TACC3: variants seen among roughly 807,000 people sequenced by gnomAD.
The protein encoded by TACC3 is transforming acidic coiled-coil-containing protein 3.
Under a neutral mutation model 86.0 loss-of-function variants are expected in TACC3, and 52 were observed. That is an observed-to-expected ratio of 0.60 (90% CI 0.48 to 0.76). The LOEUF is 0.76. Among genes scored for constraint, TACC3 ranks in the 30% least tolerant of loss-of-function variants. The probability of loss-of-function intolerance (pLI) is 0.00; values close to 1 mark genes in which losing one functional copy is unlikely to be tolerated. For missense variants in TACC3, 1,120 were observed against 1,070.4 expected (o/e 1.05, Z -0.65); for synonymous variants, 512 against 430.0 (o/e 1.19, Z -2.36).
intron 9 of TACC3, 54 bp from the exon 10 acceptor site, chr4:1,737,537 CTAGGTCA>C: frequency 7.4e-7 from 1 of 1,342,474 alleles, no homozygotes; most frequent in Non-Finnish European, 1.0e-6. Context: ...CTCCCTCACA[CTAGGTCA>C]GAGGTAAGAG....
At chr4:1,727,431 C>T (rs971849418) in intron 3 of TACC3, among the ~76,000 whole-genome samples, 4 of 152,120 alleles carry the variant, frequency 2.6e-5, no homozygotes, top group Admixed American at 6.5e-5. Flanking sequence ...CCCAGAGGCA[C>T]CCCTGTAACT....
At chr4:1,733,040 C>A (rs180966640) in intron 6 of TACC3, among the ~76,000 whole-genome samples, 1 of 152,238 alleles carries the variant, frequency 6.6e-6, no homozygotes, top group East Asian at 1.9e-4. Context: ...GTTTCACATT[C>A]CCACTGGCAG....
At position 1,728,332 on chromosome 4, in the gene TACC3, T is replaced by C; in HGVS notation, c.930T>C (p.Ala310=). ...ESTAPTNHLV[A]GRAMTLSPQE... ...CAGCCCCAACCAACCACCTGGTGGC[T>C]GGCAGGGCCATGACCCTGAGTCCTC... The change falls in exon 4 of 16, where the codon GCT becomes GCC. Residue 310 remains alanine, a synonymous_variant. Coordinates refer to ENST00000313288, the MANE Select transcript of TACC3 (RefSeq NM_006342.3). The C allele has an allele frequency of 1.9e-6, 3 of 1,613,048 alleles. No individual in the cohort carries two copies. Among genetic ancestry groups the C allele is most frequent in the Non-Finnish European group, 2.5e-6 (3 of 1,180,026 alleles).
intron 4 of TACC3, among the ~76,000 whole-genome samples, chr4:1,729,961 C>T (rs1055687463): frequency 3.3e-5 from 5 of 152,242 alleles, no homozygotes; most frequent in Admixed American, 2.0e-4. Flanking sequence ...AGGGCTCACA[C>T]ACCTCTTCCG....
At chr4:1,737,876 C>G in intron 10 of TACC3, 174 bp downstream of exon 10, 1 of 717,782 alleles carries the variant, frequency 1.4e-6, no homozygotes, top group Non-Finnish European at 2.5e-6. Flanking sequence ...CTGCCCAGGT[C>G]GCTGAGGGTC....
rs771126795 is a variant in TACC3 at position 1,727,733 on chromosome 4, G to A, written c.331G>A (p.Ala111Thr). 4.4e-6 allele frequency: 7 copies of A among 1,592,820 alleles called. No homozygotes were observed. The highest frequency in any genetic ancestry group is 1.7e-6 in the Non-Finnish European group (2 of 1,168,410). The change falls in exon 4 of 16, where the codon GCC becomes ACC. Residue 111 changes from alanine to threonine, a missense_variant. Coordinates refer to ENST00000313288, the MANE Select transcript of TACC3 (RefSeq NM_006342.3). ...ENQQLIKEVD[A>T]KTTHGILQKP... The stretch of plus-strand genomic sequence containing the variant: ...CCAACAGCTCATCAAGGAAGTGGAT[G>A]CCAAAACTACTCATGGAATTCTACA...
Position 1,735,199 on chromosome 4 carries a change from G to A in TACC3, c.1592-74G>A. 2 of 1,585,454 alleles carry A rather than the reference G, an allele frequency of 1.3e-6. No individual in the cohort carries two copies. Among genetic ancestry groups the A allele is most frequent in the Middle Eastern group, 1.7e-4 (1 of 5,982 alleles). On this transcript the variant is annotated intron_variant, in intron 6 of 15. Transcript: ENST00000313288. This position sits in a 1 kb window ranked among gnomAD's most constrained non-coding sequence, Gnocchi z 4.2. ...GAATGATCCTGCCTCACTGAGTGCTGAGGGAGACACCAGCCCGCCGCCCTT... is the reference window on the plus strand; with the variant it reads ...GAATGATCCTGCCTCACTGAGTGCTAAGGGAGACACCAGCCCGCCGCCCTT...
intron 13 of TACC3, chr4:1,741,809 A>G (rs553950582): frequency 6.6e-6 from 1 of 152,384 alleles, no homozygotes; most frequent in African/African-American, 2.4e-5. Context: ...GCTGCCTAAC[A>G]GAAGCAAGCC....
intron 1 of TACC3, 66 bp downstream of exon 1, chr4:1,721,709 C>T (rs1373123553): frequency 6.6e-6 from 1 of 151,642 alleles, no homozygotes; most frequent in Non-Finnish European, 1.5e-5. Flanking sequence ...TCCCGCCCCG[C>T]CCCGCCCTCG....
rs762464304 is a variant in TACC3 at position 1,744,562 on chromosome 4, G to T, written c.2268G>T (p.Arg756Ser). Residue 756 changes from arginine (R) to serine (S), a missense_variant, in exon 14 of 16, where the codon AGG (arginine) becomes AGT (serine). By Grantham distance (110) the Arg-to-Ser change is moderately radical. Transcript: ENST00000313288. ...AGTGCGTGGAGGATTACCTGGCAAG[G>T]ATCACCCAGGAGGGCCAGAGGTACC... Reference protein sequence around the residue: ...LKKCVEDYLARITQEGQRYQA... With the variant: ...LKKCVEDYLASITQEGQRYQA... 1.2e-6 allele frequency: 2 copies of T among 1,613,264 alleles called. No homozygotes were observed. The highest frequency in any genetic ancestry group is 1.7e-6 in the Non-Finnish European group (2 of 1,179,982).
At chr4:1,723,387 C>G in intron 1 of TACC3, 34 bp from the exon 2 acceptor site, 4 of 1,601,816 alleles carry the variant, frequency 2.5e-6, no homozygotes, top group Non-Finnish European at 3.4e-6. Flanking sequence ...TAGTGTTGCC[C>G]TCACACTGAC....
upstream of TACC3, chr4:1,721,240 G>C (rs951794255): frequency 1.9e-5 from 3 of 161,868 alleles, no homozygotes; most frequent in African/African-American, 7.1e-5. Flanking sequence ...GCGAGGCCCT[G>C]GCCATGAAGC....
chr4:1,740,042 G>A, intron 12 of TACC3, 40 bp downstream of exon 12: 1 of 1,609,742 alleles, frequency 6.2e-7, no homozygotes, highest in Non-Finnish European at 8.5e-7. Flanking sequence ...CCTCCACGAG[G>A]GGCTGCCTAT....
At chr4:1,723,651 G>T (rs1717533033) in intron 2 of TACC3, 68 bp downstream of exon 2, 2 of 1,610,988 alleles carry the variant, frequency 1.2e-6, no homozygotes, top group Admixed American at 1.7e-5. Flanking sequence ...GGTGACCTCT[G>T]AGCTGCAGGA....
At chr4:1,722,727 T>C (rs895802202) in intron 1 of TACC3, among the ~76,000 whole-genome samples, 1 of 152,160 alleles carries the variant, frequency 6.6e-6, no homozygotes, top group African/African-American at 2.4e-5. Context: ...GGGAACGCTG[T>C]AGACAGAAAG....
intron 10 of TACC3, 146 bp from the exon 11 acceptor site, chr4:1,739,556 G>C: frequency 2.7e-6 from 2 of 734,206 alleles, no homozygotes; most frequent in South Asian, 3.7e-5. Flanking sequence ...AGGGTTCCCA[G>C]GGTCCCACTG....
intron 10 of TACC3, chr4:1,737,953 G>A (rs1310732582): frequency 1.7e-6 from 1 of 605,736 alleles, no homozygotes; most frequent in Non-Finnish European, 3.1e-6. Context: ...TCTCCGGCCT[G>A]GGCATGGCGT....
chr4:1,727,615 T>G, intron 3 of TACC3, 93 bp from the exon 4 acceptor site: 303 of 1,508,316 alleles, frequency 2.0e-4, no homozygotes, highest in Middle Eastern at 3.6e-4. Flanking sequence ...GCTTCTGGTG[T>G]GAGAATGTTA....
In TACC3 at chr4:1,744,887, C is replaced by T. The variant is rs1035286454; in HGVS notation, c.2451+55C>T. On this transcript the variant is annotated intron_variant, in intron 15 of 15. Transcript: ENST00000313288. ...CGTCTGGCAGCACCTTCTAGAAGGCCCTTGGGCCTGCTGCTCCCTCCAAGC... is the reference window on the plus strand; with the variant it reads ...CGTCTGGCAGCACCTTCTAGAAGGCTCTTGGGCCTGCTGCTCCCTCCAAGC... The T allele has an allele frequency of 8.7e-6, 14 of 1,612,138 alleles. No individual in the cohort carries two copies. In the African/African-American group the frequency reaches 1.6e-4, roughly 18 times the overall value.
Sources: gnomAD v4.1 joint callset for allele counts (sites outside exome capture counted in the v4.1 genomes callset) on GRCh38, gnomAD v4.1.1 for gene constraint, Gnocchi (gnomAD v3.1) non-coding constraint, MANE v1.5 for transcripts, NCBI Gene and HGNC (gene_info 2026-07-23, HGNC 2026-07-21) for gene names.